The following DIPK1A variants were observed in gnomAD, a reference collection of about 807,000 sequenced individuals.
DIPK1A encodes the protein family with sequence similarity 69 member A.
A neutral mutation model predicts 40.8 loss-of-function variants in DIPK1A; 27 were observed. The observed-to-expected ratio is 0.66, with a 90% confidence interval of 0.49 to 0.91. The LOEUF (loss-of-function observed/expected upper bound fraction) is 0.91. Ranked by LOEUF, DIPK1A falls within the 40% of genes least tolerant of loss-of-function variation. The probability of loss-of-function intolerance (pLI) is 0.00; values close to 1 mark genes in which losing one functional copy is unlikely to be tolerated. For synonymous variants in DIPK1A, 166 were observed against 171.3 expected (o/e 0.97, Z 0.24); for missense variants, 412 against 505.7 (o/e 0.81, Z 1.78).
chr1:92,836,516 A>G (rs1405096571), intron 4 of DIPK1A: 6 of 851,448 alleles, frequency 7.0e-6, no homozygotes, highest in African/African-American at 5.0e-5. Context: ...ATGCCTAGGT[A>G]CCATGCAGGA....
At chr1:92,960,026 AT>A (rs1425820015) in intron 1 of DIPK1A, among the ~76,000 whole-genome samples, 1 of 146,480 alleles carries the variant, frequency 6.8e-6, no homozygotes, top group Non-Finnish European at 1.5e-5. Flanking sequence ...AAGTGCCGGG[AT>A]TACACGTGTG....
intron 1 of DIPK1A, among the ~76,000 whole-genome samples, chr1:92,905,908 C>A (rs928248683): frequency 2.6e-5 from 4 of 152,050 alleles, no homozygotes; most frequent in Admixed American, 2.6e-4. Flanking sequence ...ATTCTTGGCA[C>A]CTTTGTCAAA....
intron 2 of DIPK1A, among the ~76,000 whole-genome samples, chr1:92,857,589 T>C (rs1277477979): frequency 6.6e-6 from 1 of 152,134 alleles, no homozygotes; most frequent in Non-Finnish European, 1.5e-5. Context: ...CCCAAAGTGC[T>C]TGGGATTACA....
At chr1:92,923,771 A>G (rs1465987962) in intron 1 of DIPK1A, among the ~76,000 whole-genome samples, 2 of 152,176 alleles carry the variant, frequency 1.3e-5, no homozygotes, top group African/African-American at 2.4e-5. Flanking sequence ...TGATGAGCAT[A>G]ACTTCTAATC....
intron 1 of DIPK1A, among the ~76,000 whole-genome samples, chr1:92,878,761 C>A (rs1181139876): frequency 6.6e-6 from 1 of 152,020 alleles, no homozygotes; most frequent in Non-Finnish European, 1.5e-5. Context: ...GCGGAGCCTG[C>A]AGTGAGCCGA....
At chr1:92,890,416 AG>A (rs1648810328) in intron 1 of DIPK1A, among the ~76,000 whole-genome samples, 1 of 152,200 alleles carries the variant, frequency 6.6e-6, no homozygotes, top group African/African-American at 2.4e-5. Flanking sequence ...AATAGCTTTC[AG>A]CTTTTCCTTG....
chr1:92,889,644 CTT>C (rs35845230), intron 1 of DIPK1A, among the ~76,000 whole-genome samples: 1 of 145,950 alleles, frequency 6.9e-6, no homozygotes, highest in Admixed American at 6.9e-5. Context: ...GATATCTTTC[CTT>C]TTTTTTTTTA....
chr1:92,907,961 G>C (rs1649688853), intron 1 of DIPK1A, among the ~76,000 whole-genome samples: 1 of 152,136 alleles, frequency 6.6e-6, no homozygotes, highest in South Asian at 2.1e-4. Context: ...CTGCCTCCCA[G>C]GTTCAAATGA....
At chr1:92,955,090 C>T (rs765499218) in intron 1 of DIPK1A, among the ~76,000 whole-genome samples, 9 of 152,152 alleles carry the variant, frequency 5.9e-5, no homozygotes, top group Non-Finnish European at 8.8e-5. Flanking sequence ...TTTGAAAAGG[C>T]TACCTAAAAT....
chr1:92,843,951 C>T lies in DIPK1A; in HGVS notation c.719G>A (p.Ser240Asn), dbSNP rs1449765770. 2.3e-5 allele frequency: 36 copies of T among 1,551,748 alleles called. No individual in the cohort carries two copies. Among genetic ancestry groups the T allele is most frequent in the East Asian group, 4.9e-5 (2 of 40,930 alleles). Residue 240 changes from serine (S) to asparagine (N), a missense_variant, in exon 5 of 5, where the codon AGC becomes AAC. Transcript: ENST00000370310. ...AAAAAGTTCAATGACCCAAGGAAGG[C>T]TTATTCCATAAAGAGAGGTATATTC... ...SVEYTSLYGI[S>N]LPWVIELFIP...
intron 1 of DIPK1A, among the ~76,000 whole-genome samples, chr1:92,905,580 T>G (rs1475064597): frequency 1.3e-5 from 2 of 152,186 alleles, no homozygotes; most frequent in African/African-American, 4.8e-5. Context: ...GGTTGTCTCT[T>G]CACTTGGTTG....
At chr1:92,838,896 A>G (rs1687226139), downstream of DIPK1A, among the ~76,000 whole-genome samples, 1 of 152,150 alleles carries the variant, frequency 6.6e-6, no homozygotes, top group Non-Finnish European at 1.5e-5. Context: ...TTTTTGCATT[A>G]TTTTCCTTTA....
At chr1:92,847,415 A>T (rs980462603) in intron 3 of DIPK1A, 56 bp from the exon 4 acceptor site, 6 of 1,137,864 alleles carry the variant, frequency 5.3e-6, no homozygotes, top group Admixed American at 2.8e-5. Flanking sequence ...ACTCTAAAAA[A>T]TATACTACTA....
intron 1 of DIPK1A, among the ~76,000 whole-genome samples, chr1:92,948,788 TATGTGTGTGTATATATATATA>T: frequency 6.8e-6 from 1 of 146,520 alleles, no homozygotes; most frequent in African/African-American, 2.5e-5. Flanking sequence ...TATATATATA[TATGTGTGTGTATATATATATA>T]TTTTTCCCCC....
chr1:92,861,938 C>A (rs1413522380), intron 2 of DIPK1A, among the ~76,000 whole-genome samples: 1 of 152,166 alleles, frequency 6.6e-6, no homozygotes, highest in Non-Finnish European at 1.5e-5. Flanking sequence ...CACTACCACA[C>A]CCGGCTAAGT....
intron 1 of DIPK1A, among the ~76,000 whole-genome samples, chr1:92,921,770 G>T (rs1426258214): frequency 6.6e-6 from 1 of 152,154 alleles, no homozygotes; most frequent in Non-Finnish European, 1.5e-5. Flanking sequence ...GTGAAAGCAA[G>T]TCATCTATAA....
chr1:92,929,661 C>A lies in DIPK1A; in HGVS notation c.54+31715G>T, dbSNP rs150046766. ...TCCAGTGCCTTTAAATAGCTGTTTA[C>A]AATATATAAATACATATATGTAATT... On this transcript the variant is annotated intron_variant, in intron 1 of 4. Coordinates refer to ENST00000370310, the MANE Select transcript of DIPK1A (RefSeq NM_001006605.5). Among the ~76,000 whole-genome samples the A allele has an allele frequency of 6.4e-3, 979 of 152,254 alleles. 12 individuals carry two copies. The highest frequency in any genetic ancestry group is 0.022 in the African/African-American group (916 of 41,520).
At chr1:92,877,926 C>T (rs907114619) in intron 1 of DIPK1A, among the ~76,000 whole-genome samples, 3 of 152,136 alleles carry the variant, frequency 2.0e-5, no homozygotes, top group East Asian at 1.9e-4. Flanking sequence ...TTGCTGGGCA[C>T]GTAGTAAGTA....
At chr1:92,916,916 G>A (rs909953059) in intron 1 of DIPK1A, among the ~76,000 whole-genome samples, 8 of 152,136 alleles carry the variant, frequency 5.3e-5, no homozygotes, top group African/African-American at 1.9e-4. Flanking sequence ...TACTGGAAAA[G>A]CATTCAATAA....
Sources: allele counts gnomAD v4.1 joint callset (sites outside exome capture counted in the v4.1 genomes callset), GRCh38; gene constraint gnomAD v4.1.1; transcripts MANE v1.5; gene names NCBI Gene and HGNC (gene_info 2026-07-23, HGNC 2026-07-21).